RPL37A: variants seen among roughly 807,000 people sequenced by gnomAD.
RPL37A encodes the protein ribosomal protein L37a.
A neutral mutation model predicts 13.6 loss-of-function variants in RPL37A; 5 were observed. The ratio of observed to expected loss-of-function variants is 0.37; its 90% confidence interval spans 0.19 to 0.78. RPL37A has a LOEUF of 0.78. RPL37A is among the 30% of genes least tolerant of loss of function. The pLI is 0.49. For synonymous variants in RPL37A, 50 were observed against 44.4 expected (o/e 1.13, Z -0.50); for missense variants, 77 against 120.0 (o/e 0.64, Z 1.67).
chr2:216,502,739 G>A lies in RPL37A; in HGVS notation c.*1335G>A, dbSNP rs1051360787. On this transcript the variant is annotated 3_prime_UTR_variant, in exon 4 of 4. Transcript: ENST00000491306. ...TGCAAATTTAATTCGATAAGAATGT[G>A]GATTTACTTCATCTTTAGGACAGAG... 3 of 152,190 alleles carry A rather than the reference G, an allele frequency of 2.0e-5. No individual in the cohort carries two copies. The highest frequency in any genetic ancestry group is 4.4e-5 in the Non-Finnish European group (3 of 68,042). 9.4% of individuals were successfully genotyped at this position (152,190 alleles called of 1,614,324 possible). A position where few individuals can be genotyped will look rare whatever the true frequency, so the allele number is the denominator to read the frequency against.
intron 3 of RPL37A, chr2:216,500,596 T>A (rs1206413832): frequency 1.3e-5 from 2 of 152,754 alleles, no homozygotes; most frequent in African/African-American, 4.8e-5. Context: ...AAGAATTGGA[T>A]TTTAAAGTTT....
intron 3 of RPL37A, chr2:216,500,341 G>C (rs1695578909): frequency 2.7e-6 from 1 of 372,500 alleles, no homozygotes; most frequent in East Asian, 5.7e-5. Context: ...ACTGAACGTT[G>C]ATTTGCACTG....
At chr2:216,500,295 A>G (rs1559145201) in intron 3 of RPL37A, 1 of 522,414 alleles carries the variant, frequency 1.9e-6, no homozygotes, top group South Asian at 2.1e-5. Context: ...GAACATTGTC[A>G]TGATACTGTG....
At chr2:216,500,463 C>T (rs1695580748) in intron 3 of RPL37A, 1 of 200,454 alleles carries the variant, frequency 5.0e-6, no homozygotes, top group African/African-American at 2.3e-5. Flanking sequence ...TAGACTGCTG[C>T]AGGTTTGTGA....
rs762367483 is a variant in RPL37A at position 216,500,026 on chromosome 2, G to A, written c.210G>A (p.Thr70=). Residue 70 remains threonine, a synonymous_variant, in exon 3 of 4, where the codon ACG becomes ACA. Coordinates refer to ENST00000491306, the MANE Select transcript of RPL37A (RefSeq NM_000998.5). ...CMKTVAGGAW[T]YNTTSAVTVK... ...AGACAGTGGCTGGCGGTGCCTGGAC[G>A]TACAAGTGAGTCTAGTTCCTTGTGG... 23 of 1,612,172 alleles carry A rather than the reference G, an allele frequency of 1.4e-5. No homozygotes were observed. Among genetic ancestry groups the A allele is most frequent in the East Asian group, 1.3e-4 (6 of 44,878 alleles).
chr2:216,500,147 C>G (rs1432962833), intron 3 of RPL37A, 116 bp downstream of exon 3: 47 of 745,714 alleles, frequency 6.3e-5, no homozygotes, highest in Middle Eastern at 3.8e-4. Context: ...AATAAGGATG[C>G]CTTTGTATTT....
At chr2:216,500,338 G>A in intron 3 of RPL37A, 3 of 383,720 alleles carry the variant, frequency 7.8e-6, no homozygotes, top group Non-Finnish European at 1.4e-5. Context: ...TCTACTGAAC[G>A]TTGATTTGCA....
At chr2:216,501,024 TA>T (rs879316825) in intron 3 of RPL37A, 1,772 of 197,138 alleles carry the variant, frequency 9.0e-3, no homozygotes, top group South Asian at 0.016. Context: ...GAGTTACTTA[TA>T]AAAAAAAAAG....
rs1695636870 is a variant in RPL37A, at chr2:216,503,820, G to A, written c.*2416G>A. The A allele has an allele frequency of 6.6e-6, 1 of 152,158 alleles. No individual in the cohort carries two copies. The highest frequency in any genetic ancestry group is 1.5e-5 in the Non-Finnish European group (1 of 68,042). The allele number at this position is 152,158 out of a possible 1,614,324, so 9.4% of individuals were successfully genotyped here. Reference sequence around the variant, plus strand: ...AATAGTGATTTTCCCAAGATGATAGGGAGGCAGGTGATGTAGATAGGGCTG... The same window carrying A: ...AATAGTGATTTTCCCAAGATGATAGAGAGGCAGGTGATGTAGATAGGGCTG... On this transcript the variant is annotated 3_prime_UTR_variant, in exon 4 of 4. Coordinates refer to ENST00000491306, the MANE Select transcript of RPL37A (RefSeq NM_000998.5).
At chr2:216,499,574 C>A (rs1286919476) in intron 2 of RPL37A, 176 bp downstream of exon 2, 4 of 815,202 alleles carry the variant, frequency 4.9e-6, no homozygotes, top group Non-Finnish European at 7.5e-6. Flanking sequence ...TTTTGTGAGA[C>A]GTTTTTCATT....
Position 216,501,551 on chromosome 2 carries a change from G to A in RPL37A, c.*147G>A. On this transcript the variant is annotated 3_prime_UTR_variant, in exon 4 of 4. Coordinates refer to ENST00000491306, the MANE Select transcript of RPL37A (RefSeq NM_000998.5). ...TGTATTGGAAAAGCATGCCAAGATG[G>A]ATTATTGTAATTCAGTGTCTTTTTT... is the stretch of plus-strand genomic sequence containing the variant. The A allele has an allele frequency of 1.8e-6, 1 of 550,126 alleles. No individual in the cohort carries two copies. The highest frequency in any genetic ancestry group is 3.0e-5 in the East Asian group (1 of 32,844). The allele number at this position is 550,126 out of a possible 1,614,324, so 34.1% of individuals were successfully genotyped here.
rs773689352 is a variant in RPL37A at position 216,501,315 on chromosome 2, G to A, written c.216-26G>A. 3.8e-6 allele frequency: 6 copies of A among 1,599,302 alleles called. No individual in the cohort carries two copies. In the Admixed American group the frequency reaches 6.7e-5, roughly 18 times the overall value. Reference sequence around the variant, plus strand: ...TTTCTATGTTAACATGCTTAATTATGTTGGAAACTGAATCTTTCTTTCCAG... The same window carrying A: ...TTTCTATGTTAACATGCTTAATTATATTGGAAACTGAATCTTTCTTTCCAG... On this transcript the variant is annotated intron_variant, in intron 3 of 3. Transcript: ENST00000491306.
At position 216,499,293 on chromosome 2, in the gene RPL37A, G is replaced by C; in HGVS notation, c.27G>C (p.Gly9=). MAKRTKKV[G]IVGKYGTRYG... ...AGGCCAAACGTACCAAGAAAGTCGG[G>C]ATCGTCGGTAAATACGGGACCCGCT... Residue 9 remains glycine (G), a synonymous_variant, in exon 2 of 4, where the codon GGG becomes GGC. Coordinates refer to ENST00000491306, the MANE Select transcript of RPL37A (RefSeq NM_000998.5). The C allele has an allele frequency of 3.7e-6, 6 of 1,613,380 alleles. No homozygotes were observed. Among genetic ancestry groups the C allele is most frequent in the Non-Finnish European group, 5.1e-6 (6 of 1,179,990 alleles).
chr2:216,500,285 G>A, intron 3 of RPL37A: 1 of 539,280 alleles, frequency 1.9e-6, no homozygotes, highest in South Asian at 2.1e-5. Flanking sequence ...ACATTGTTGT[G>A]AACATTGTCA....
Position 216,499,464 on chromosome 2 carries a change from A to T in RPL37A, c.132+66A>T. ...AGGTTTCTTACCCAAGTGAGGCCTG[A>T]CTTCAAGGTATTTTATAAGCCGTGT... On this transcript the variant is annotated intron_variant, in intron 2 of 3. Transcript: ENST00000491306. The T allele has an allele frequency of 2.5e-6, 4 of 1,573,472 alleles. No individual in the cohort carries two copies. In the South Asian group the frequency reaches 4.7e-5, roughly 18 times the overall value.
intron 1 of RPL37A, 104 bp downstream of exon 1, chr2:216,498,981 C>G: frequency 6.6e-7 from 1 of 1,506,468 alleles, no homozygotes. Flanking sequence ...CGTGTTCTCT[C>G]CTGTCTCCAT....
At position 216,502,797 on chromosome 2, in the gene RPL37A, A is replaced by G. The variant is rs970043069; in HGVS notation, c.*1393A>G. On this transcript the variant is annotated 3_prime_UTR_variant, in exon 4 of 4. Coordinates refer to ENST00000491306, the MANE Select transcript of RPL37A (RefSeq NM_000998.5). Reference sequence around the variant, plus strand: ...CTTTATTTCACTTGGTCTGACCCCTATCTTCTATAACTTGTTTTTTTGCTC... The same window carrying G: ...CTTTATTTCACTTGGTCTGACCCCTGTCTTCTATAACTTGTTTTTTTGCTC... 2.0e-5 allele frequency: 3 copies of G among 152,292 alleles called. No homozygotes were observed. The highest frequency in any genetic ancestry group is 7.2e-5 in the African/African-American group (3 of 41,554). 9.4% of individuals were successfully genotyped at this position (152,292 alleles called of 1,614,324 possible). A position where few individuals can be genotyped will look rare whatever the true frequency, so the allele number is the denominator to read the frequency against.
At position 216,499,256 on chromosome 2, in the gene RPL37A, T is replaced by G; in HGVS notation, c.4-14T>G. 2 of 1,609,552 alleles carry G rather than the reference T, an allele frequency of 1.2e-6. No individual in the cohort carries two copies. The highest frequency in any genetic ancestry group is 8.5e-7 in the Non-Finnish European group (1 of 1,178,522). On this transcript the variant is annotated splice_polypyrimidine_tract_variant and intron_variant, in intron 1 of 3. Coordinates refer to ENST00000491306, the MANE Select transcript of RPL37A (RefSeq NM_000998.5). ...TCCAGGTCTATCACTGGTTTCTCCC[T>G]TCACTCTAAACAGGCCAAACGTACC...
chr2:216,500,004 C>T lies in RPL37A; in HGVS notation c.188C>T (p.Thr63Ile), dbSNP rs755290972. 1.3e-5 allele frequency: 21 copies of T among 1,613,834 alleles called. No individual in the cohort carries two copies. The South Asian group carries it at 1.3e-4, about 10-fold the overall frequency. ...GIWHCGSCMK[T>I]VAGGAWTYNT... is the part of the protein sequence containing the mutation. ...TGGCACTGTGGTTCCTGCATGAAGACAGTGGCTGGCGGTGCCTGGACGTAC... is the reference window on the plus strand; with the variant it reads ...TGGCACTGTGGTTCCTGCATGAAGATAGTGGCTGGCGGTGCCTGGACGTAC... The change falls in exon 3 of 4, where the codon ACA (threonine) becomes ATA (isoleucine). Residue 63 changes from threonine (T) to isoleucine (I), a missense_variant. By Grantham distance (89) the Thr-to-Ile change is moderately conservative. Around this residue, in one of 3 missense-constraint regions of RPL37A, gnomAD observed 59 missense variants for 65.5 expected, o/e 0.90. Transcript: ENST00000491306.
Sources: gnomAD v4.1 joint callset for allele counts on GRCh38, gnomAD v4.1.1 for gene constraint, gnomAD v4.1.1 regional missense constraint, MANE v1.5 for transcripts, NCBI Gene and HGNC (gene_info 2026-07-23, HGNC 2026-07-21) for gene names.